DCLK1: variants seen among roughly 807,000 people sequenced by gnomAD.
The protein encoded by DCLK1 is doublecortin like kinase 1.
In DCLK1, 16 loss-of-function variants were observed where a neutral mutation model predicts 86.2. The ratio of observed to expected loss-of-function variants is 0.19; its 90% CI spans 0.13 to 0.28. DCLK1 has a LOEUF of 0.28. Among genes scored for constraint, DCLK1 ranks in the 10% least tolerant of loss-of-function variants. The probability of loss-of-function intolerance (pLI) is 1.00; values close to 1 mark genes in which losing one functional copy is unlikely to be tolerated. For synonymous variants in DCLK1, 369 were observed against 370.5 expected, an observed-to-expected ratio of 1.00 and a Z score of 0.05; for missense variants, 590 against 940.2, an observed-to-expected ratio of 0.63 and a Z score of 4.87.
intron 4 of DCLK1, among the ~76,000 whole-genome samples, chr13:35,908,135 T>C (rs967404810): frequency 1.2e-4 from 19 of 152,072 alleles, no homozygotes; most frequent in Non-Finnish European, 2.6e-4. Context: ...TTGTTTCTCC[T>C]TTCTCCTGAT....
At chr13:35,785,671 T>C (rs1280391331) in intron 16 of DCLK1, among the ~76,000 whole-genome samples, 1 of 152,174 alleles carries the variant, frequency 6.6e-6, no homozygotes, top group African/African-American at 2.4e-5. Context: ...TCATGTGATC[T>C]GCTTTACAAA....
chr13:35,905,137 G>A (rs1265730215), intron 4 of DCLK1, among the ~76,000 whole-genome samples: 6 of 152,122 alleles, frequency 3.9e-5, no homozygotes, highest in Admixed American at 3.3e-4. Context: ...CCTTGCTTGC[G>A]CCTGGCCTCC....
chr13:35,923,082 T>C (rs1037154893), intron 4 of DCLK1, among the ~76,000 whole-genome samples: 1 of 152,032 alleles, frequency 6.6e-6, no homozygotes. Flanking sequence ...ATGAATCAAT[T>C]GGGAACTTAA....
intron 3 of DCLK1, among the ~76,000 whole-genome samples, chr13:36,108,156 G>A (rs1315856465): frequency 1.3e-5 from 2 of 152,120 alleles, no homozygotes. Flanking sequence ...CAAAAGGACT[G>A]ATGACCTGGT....
Position 35,836,158 on chromosome 13 carries a change from T to C in DCLK1, c.1121-17A>G, listed in dbSNP as rs771644583. The C allele has an allele frequency of 9.4e-6, 15 of 1,587,766 alleles. No individual in the cohort carries two copies. Among genetic ancestry groups the C allele is most frequent in the Non-Finnish European group, 1.3e-5 (15 of 1,162,882 alleles). ...CCGACACTTCTGAAAGAATCATTAA[T>C]ACTTTTTTATTGGTTGAAAAGGGAA... is the stretch of plus-strand genomic sequence containing the variant. On this transcript the variant is annotated splice_polypyrimidine_tract_variant and intron_variant, in intron 7 of 16. Coordinates refer to ENST00000360631, the MANE Select transcript of DCLK1 (RefSeq NM_001330071.2).
chr13:36,088,751 A>G (rs1050768934), intron 3 of DCLK1, among the ~76,000 whole-genome samples: 10 of 152,176 alleles, frequency 6.6e-5, no homozygotes, highest in African/African-American at 2.4e-4. Flanking sequence ...AAAAAGATCT[A>G]TCTCTCTTGA....
intron 4 of DCLK1, among the ~76,000 whole-genome samples, chr13:35,881,588 T>C (rs1222533420): frequency 6.6e-6 from 1 of 152,222 alleles, no homozygotes; most frequent in Non-Finnish European, 1.5e-5. Context: ...ACAGCACACA[T>C]GGCTCTCCCT....
chr13:35,979,014 T>G (rs1879504721), intron 3 of DCLK1, among the ~76,000 whole-genome samples: 1 of 152,218 alleles, frequency 6.6e-6, no homozygotes, highest in South Asian at 2.1e-4. Flanking sequence ...GATCTTCCTT[T>G]AATGGTAGTT....
intron 4 of DCLK1, among the ~76,000 whole-genome samples, chr13:35,904,076 G>A (rs1219046189): frequency 6.6e-6 from 1 of 151,762 alleles, no homozygotes; most frequent in Non-Finnish European, 1.5e-5. Flanking sequence ...TTAAAGCTGT[G>A]TGTTATGTGC....
At chr13:36,024,300 T>C (rs1323145147) in intron 3 of DCLK1, among the ~76,000 whole-genome samples, 2 of 152,132 alleles carry the variant, frequency 1.3e-5, no homozygotes, top group Non-Finnish European at 2.9e-5. Flanking sequence ...AATAAAACTC[T>C]CTATTTTCAC....
chr13:35,955,198 G>GT (rs373705276), intron 3 of DCLK1, among the ~76,000 whole-genome samples: 111 of 146,866 alleles, frequency 7.6e-4, no homozygotes, highest in East Asian at 2.8e-3. Context: ...TATCTATCCT[G>GT]TTTTTTTTTT....
At chr13:35,814,314 T>C (rs1357198693) in intron 11 of DCLK1, among the ~76,000 whole-genome samples, 1 of 152,216 alleles carries the variant, frequency 6.6e-6, no homozygotes, top group East Asian at 1.9e-4. Context: ...CAGAAAGTAT[T>C]ATTCCAAATG....
chr13:35,834,267 G>A (rs1049440058), intron 8 of DCLK1, among the ~76,000 whole-genome samples: 4 of 152,172 alleles, frequency 2.6e-5, no homozygotes, highest in South Asian at 2.1e-4. Context: ...TTGCATGCAC[G>A]CTTCTATCCA....
intron 4 of DCLK1, among the ~76,000 whole-genome samples, chr13:35,886,390 G>A (rs995434656): frequency 6.6e-6 from 1 of 152,110 alleles, no homozygotes; most frequent in East Asian, 1.9e-4. Flanking sequence ...TCTGGGCAAT[G>A]GTTTAGATAC....
intron 4 of DCLK1, among the ~76,000 whole-genome samples, chr13:35,900,489 G>T (rs1018951402): frequency 4.6e-5 from 7 of 152,116 alleles, no homozygotes; most frequent in African/African-American, 1.7e-4. Context: ...TGATTCGCCA[G>T]CCTCAGCCTC....
chr13:35,917,857 G>A (rs900820622), intron 4 of DCLK1, among the ~76,000 whole-genome samples: 1 of 152,082 alleles, frequency 6.6e-6, no homozygotes, highest in African/African-American at 2.4e-5. Context: ...TTCTCTAGCT[G>A]GGCTGGAGAC....
intron 3 of DCLK1, among the ~76,000 whole-genome samples, chr13:35,983,866 C>T (rs1879779454): frequency 1.3e-5 from 2 of 152,104 alleles, no homozygotes; most frequent in Admixed American, 1.3e-4. Flanking sequence ...GAACAGGAGA[C>T]TGCACTGAAT....
intron 6 of DCLK1, chr13:35,849,977 TTGGCATATAGC>T: frequency 1.0e-6 from 1 of 964,224 alleles, no homozygotes; most frequent in Non-Finnish European, 1.2e-6. Flanking sequence ...GTTCTTCATA[TTGGCATATAGC>T]TTAAGCTAAA....
chr13:35,870,310 AG>A (rs370791117), intron 5 of DCLK1, among the ~76,000 whole-genome samples: 14 of 152,196 alleles, frequency 9.2e-5, no homozygotes, highest in African/African-American at 3.1e-4. Flanking sequence ...AGAATCAAGG[AG>A]GGCTGGGTGG....
Sources: gnomAD v4.1 joint callset for allele counts (sites outside exome capture counted in the v4.1 genomes callset) on GRCh38, gnomAD v4.1.1 for gene constraint, MANE v1.5 for transcripts, NCBI Gene and HGNC (gene_info 2026-07-23, HGNC 2026-07-21) for gene names.